The following KIAA0825 variants were observed in gnomAD, a reference collection of about 807,000 sequenced individuals.
KIAA0825 encodes uncharacterized protein KIAA0825.
In KIAA0825, 119 loss-of-function variants were observed where a neutral mutation model predicts 147.6. The observed-to-expected ratio is 0.81, with a 90% confidence interval of 0.69 to 0.94. KIAA0825 has a LOEUF of 0.94. KIAA0825 is among the 40% of genes least tolerant of loss of function. KIAA0825 has a pLI of 0.00. For synonymous variants in KIAA0825, 470 were observed against 518.1 expected (o/e 0.91, Z 1.26); for missense variants, 1,381 against 1,472.7 (o/e 0.94, Z 1.02).
chr5:94,534,105 T>C (rs918787986), intron 3 of KIAA0825, among the ~76,000 whole-genome samples: 2 of 152,228 alleles, frequency 1.3e-5, no homozygotes, highest in Non-Finnish European at 2.9e-5. Flanking sequence ...TTTTTTCTTT[T>C]AAAACTATGG....
rs542124307 is a variant in KIAA0825 at position 94,455,227 on chromosome 5, C to A, written c.2247-2158G>T. 1.6e-4 allele frequency among the ~76,000 whole-genome samples: 25 copies of A among 152,010 alleles called. No individual in the cohort carries two copies. The South Asian group carries it at 5.2e-3, about 32-fold the overall frequency. On this transcript the variant is annotated intron_variant, in intron 12 of 20. Coordinates refer to ENST00000682413, the MANE Select transcript of KIAA0825 (RefSeq NM_001145678.3). Reference sequence around the variant, plus strand: ...AAAAAGGAACGTAAGATGTAAAGATCGTCAAAGATAAAACTCTGGAACATA... The same window carrying A: ...AAAAAGGAACGTAAGATGTAAAGATAGTCAAAGATAAAACTCTGGAACATA...
chr5:94,530,602 T>G lies in KIAA0825; in HGVS notation c.131+6394A>C, dbSNP rs77971764. On this transcript the variant is annotated intron_variant, in intron 3 of 20. Transcript: ENST00000682413. ...GCAATGGCTGTGGTGTTAGTGACCATTTTTAGACAAGGTGTTGACTCAGCT... is the reference window on the plus strand; with the variant it reads ...GCAATGGCTGTGGTGTTAGTGACCAGTTTTAGACAAGGTGTTGACTCAGCT... Among the ~76,000 whole-genome samples, 1,059 of 152,324 alleles carry G rather than the reference T, an allele frequency of 7.0e-3. 8 individuals are homozygous for G. Among genetic ancestry groups the G allele is most frequent in the African/African-American group, 0.024 (1,010 of 41,568 alleles).
At chr5:94,206,606 A>G (rs1772221472) in intron 20 of KIAA0825, among the ~76,000 whole-genome samples, 1 of 152,194 alleles carries the variant, frequency 6.6e-6, no homozygotes, top group South Asian at 2.1e-4. Flanking sequence ...TATCTTCTTC[A>G]AAGGCTCTTC....
intron 18 of KIAA0825, among the ~76,000 whole-genome samples, chr5:94,388,181 C>G (rs1340570029): frequency 1.3e-5 from 2 of 152,106 alleles, no homozygotes; most frequent in African/African-American, 2.4e-5. Flanking sequence ...CTCAAATGTG[C>G]AGTTCACAAT....
At chr5:94,503,355 A>G (rs920066499) in intron 5 of KIAA0825, among the ~76,000 whole-genome samples, 4 of 152,170 alleles carry the variant, frequency 2.6e-5, no homozygotes, top group African/African-American at 9.7e-5. Flanking sequence ...AACACATTCA[A>G]GCTTTCATAA....
At chr5:94,500,246 T>C (rs1275062778) in intron 5 of KIAA0825, among the ~76,000 whole-genome samples, 1 of 152,078 alleles carries the variant, frequency 6.6e-6, no homozygotes, top group East Asian at 1.9e-4. Flanking sequence ...GGGAGTAAAG[T>C]GTACTTGGCA....
At chr5:94,282,232 C>T (rs1322707148) in intron 20 of KIAA0825, among the ~76,000 whole-genome samples, 2 of 151,994 alleles carry the variant, frequency 1.3e-5, no homozygotes, top group Non-Finnish European at 2.9e-5. Context: ...ACAGGCAATG[C>T]CTAAGACAGT....
chr5:94,601,903 C>G (rs573449636), intron 1 of KIAA0825, among the ~76,000 whole-genome samples: 2 of 152,236 alleles, frequency 1.3e-5, no homozygotes, highest in African/African-American at 4.8e-5. Context: ...GTAAAAAGAT[C>G]AAATCTATGA....
At chr5:94,427,267 C>T (rs1291063738) in intron 14 of KIAA0825, among the ~76,000 whole-genome samples, 1 of 152,146 alleles carries the variant, frequency 6.6e-6, no homozygotes, top group African/African-American at 2.4e-5. Flanking sequence ...GGCATGGTGG[C>T]TCATGCCTGT....
At chr5:94,599,110 C>A (rs984207592) in intron 1 of KIAA0825, among the ~76,000 whole-genome samples, 2 of 152,006 alleles carry the variant, frequency 1.3e-5, no homozygotes, top group African/African-American at 4.8e-5. Flanking sequence ...TGTAAGAGTT[C>A]TCTTTTCTGT....
chr5:94,211,738 A>G (rs1772727374), intron 20 of KIAA0825, among the ~76,000 whole-genome samples: 1 of 152,018 alleles, frequency 6.6e-6, no homozygotes, highest in African/African-American at 2.4e-5. Context: ...TAGTTTGCAG[A>G]CCCTGTTCCC....
intron 2 of KIAA0825, chr5:94,568,882 C>A: frequency 6.2e-6 from 1 of 160,380 alleles, no homozygotes; most frequent in South Asian, 1.9e-4. Flanking sequence ...AAGGCATAAT[C>A]AAACTTTACT....
intron 20 of KIAA0825, among the ~76,000 whole-genome samples, chr5:94,175,678 C>T (rs1310426039): frequency 6.6e-6 from 1 of 152,014 alleles, no homozygotes; most frequent in Non-Finnish European, 1.5e-5. Flanking sequence ...AATTAATTTC[C>T]AAAAGAAGTT....
intron 2 of KIAA0825, among the ~76,000 whole-genome samples, chr5:94,556,475 G>A (rs1344993466): frequency 6.6e-6 from 1 of 151,980 alleles, no homozygotes; most frequent in African/African-American, 2.4e-5. Context: ...TTCTTCTAAA[G>A]GATTTAAAGT....
intron 14 of KIAA0825, among the ~76,000 whole-genome samples, chr5:94,424,819 C>T (rs1381690433): frequency 6.6e-6 from 1 of 151,828 alleles, no homozygotes. Context: ...ACAACTGAGA[C>T]CACAGAAAGA....
At chr5:94,471,434 G>T in intron 9 of KIAA0825, 32 bp downstream of exon 9, 1 of 1,541,458 alleles carries the variant, frequency 6.5e-7, no homozygotes, top group Non-Finnish European at 8.8e-7. Context: ...TTCTTTAAGC[G>T]TGGCCATCAT....
intron 20 of KIAA0825, among the ~76,000 whole-genome samples, chr5:94,211,374 TC>T (rs1304772378): frequency 4.6e-5 from 7 of 152,150 alleles, no homozygotes; most frequent in Non-Finnish European, 1.5e-5. Flanking sequence ...TTTATTCCTC[TC>T]CCCTTCAAAT....
chr5:94,609,163 C>T (rs754759813), intron 1 of KIAA0825, among the ~76,000 whole-genome samples: 53 of 152,148 alleles, frequency 3.5e-4, no homozygotes, highest in Non-Finnish European at 7.2e-4. Context: ...TTAAATAACT[C>T]TCTTCTTTTC....
intron 20 of KIAA0825, among the ~76,000 whole-genome samples, chr5:94,183,072 C>T (rs553927221): frequency 2.6e-5 from 4 of 151,954 alleles, no homozygotes; most frequent in Non-Finnish European, 4.4e-5. Context: ...CAAGGTCAAA[C>T]TACCAAAAAA....
Sources: allele counts gnomAD v4.1 joint callset (sites outside exome capture counted in the v4.1 genomes callset), GRCh38; gene constraint gnomAD v4.1.1; transcripts MANE v1.5; gene names NCBI Gene and HGNC (gene_info 2026-07-23, HGNC 2026-07-21).